The following PLXDC2 variants were observed in gnomAD, a reference collection of about 807,000 sequenced individuals.
The protein encoded by PLXDC2 is plexin domain containing 2, also known as plexin domain-containing protein 2.
PLXDC2 carries 40 observed loss-of-function variants against 68.9 expected under a neutral mutation model. The observed-to-expected ratio is 0.58, with a 90% confidence interval of 0.45 to 0.76. The LOEUF is 0.76. PLXDC2 is among the 30% of genes least tolerant of loss of function. The pLI is 0.00. For missense variants in PLXDC2, 644 were observed against 661.9 expected (o/e 0.97, Z 0.30); for synonymous variants, 243 against 234.2 (o/e 1.04, Z -0.34).
chr10:20,011,436 C>T (rs533824322), intron 2 of PLXDC2, among the ~76,000 whole-genome samples: 1 of 152,250 alleles, frequency 6.6e-6, no homozygotes, highest in South Asian at 2.1e-4. Context: ...GGCTTAACTG[C>T]CAGCAGTTTA....
chr10:20,025,646 G>A (rs1473032468), intron 2 of PLXDC2, among the ~76,000 whole-genome samples: 3 of 152,012 alleles, frequency 2.0e-5, no homozygotes, highest in East Asian at 3.9e-4. Flanking sequence ...ACGATTAGTG[G>A]TGATAATCTT....
intron 9 of PLXDC2, among the ~76,000 whole-genome samples, chr10:20,193,616 T>A (rs1272467380): frequency 6.6e-6 from 1 of 152,090 alleles, no homozygotes; most frequent in African/African-American, 2.4e-5. Flanking sequence ...GCTTTTGCTA[T>A]AAATATTTTT....
intron 1 of PLXDC2, among the ~76,000 whole-genome samples, chr10:19,863,759 TGAGA>T (rs1445373322): frequency 2.6e-5 from 4 of 152,306 alleles, no homozygotes; most frequent in Middle Eastern, 3.4e-3. Context: ...GTATGTTGGA[TGAGA>T]GAGAGTAAAA....
intron 4 of PLXDC2, among the ~76,000 whole-genome samples, chr10:20,131,383 T>C (rs1379399478): frequency 6.6e-6 from 1 of 152,042 alleles, no homozygotes; most frequent in Non-Finnish European, 1.5e-5. Context: ...TCAATTGTAA[T>C]CTCTTCTTTC....
Position 20,028,077 on chromosome 10 carries a change from TA to T in PLXDC2, c.325-18789del, listed in dbSNP as rs200240518. On this transcript the variant is annotated intron_variant, in intron 2 of 13. Coordinates refer to ENST00000377252, the MANE Select transcript of PLXDC2 (RefSeq NM_032812.9). ...TAAATTGAAATACTTTATAGATTTC[TA>T]AAGTCTTGGCTTGGGCATGGTCATG... 1.7e-3 allele frequency among the ~76,000 whole-genome samples: 254 copies of T among 152,372 alleles called. 3 individuals are homozygous for T. Among genetic ancestry groups the T allele is most frequent in the East Asian group, 0.015 (78 of 5,188 alleles).
intron 1 of PLXDC2, among the ~76,000 whole-genome samples, chr10:19,984,046 T>C (rs17760230): frequency 6.6e-6 from 1 of 152,180 alleles, no homozygotes; most frequent in Non-Finnish European, 1.5e-5. Context: ...TGATGACATA[T>C]TCCCATGGGT....
At chr10:19,898,738 G>T (rs887872115) in intron 1 of PLXDC2, among the ~76,000 whole-genome samples, 1 of 152,092 alleles carries the variant, frequency 6.6e-6, no homozygotes, top group African/African-American at 2.4e-5. Context: ...AGCGTACTTA[G>T]TTACTCCTTG....
At chr10:20,230,639 A>T (rs12573741) in intron 12 of PLXDC2, among the ~76,000 whole-genome samples, 6 of 136,296 alleles carry the variant, frequency 4.4e-5, no homozygotes, top group African/African-American at 1.7e-4. Flanking sequence ...ACCAGTTCAC[A>T]CCATGGTGAG....
At chr10:20,132,573 GA>G (rs533103062) in intron 4 of PLXDC2, among the ~76,000 whole-genome samples, 153 of 152,088 alleles carry the variant, frequency 1.0e-3, no homozygotes, top group African/African-American at 3.5e-3. Context: ...TCCTTTTGAT[GA>G]ATTGATATCT....
At chr10:20,187,001 A>T (rs992516665) in intron 9 of PLXDC2, among the ~76,000 whole-genome samples, 1 of 151,758 alleles carries the variant, frequency 6.6e-6, no homozygotes, top group Non-Finnish European at 1.5e-5. Context: ...GTCAGGAGGT[A>T]CTCAGCTGCC....
chr10:20,287,753 T>A lies in PLXDC2; in HGVS notation c.*7934T>A, dbSNP rs1836175658. The stretch of plus-strand genomic sequence containing the variant: ...GGAGAAGAGGGGGAAGTCTTTTCAT[T>A]GATTGGTCAAAACAAATCTCTCATT... On this transcript the variant is annotated 3_prime_UTR_variant, in exon 14 of 14. Coordinates refer to ENST00000377252, the MANE Select transcript of PLXDC2 (RefSeq NM_032812.9). The A allele has an allele frequency of 1.3e-5, 2 of 152,066 alleles. No homozygotes were observed. The allele number at this position is 152,066 out of a possible 1,614,324, so 9.4% of individuals were successfully genotyped here. A position where few individuals can be genotyped will look rare whatever the true frequency, so the allele number is the denominator to read the frequency against.
At chr10:20,020,947 T>G (rs1835297948) in intron 2 of PLXDC2, among the ~76,000 whole-genome samples, 1 of 152,206 alleles carries the variant, frequency 6.6e-6, no homozygotes, top group African/African-American at 2.4e-5. Flanking sequence ...AGACAAAAAG[T>G]AATCTGGAGC....
chr10:19,860,321 C>T (rs543352312), intron 1 of PLXDC2, among the ~76,000 whole-genome samples: 13 of 152,306 alleles, frequency 8.5e-5, no homozygotes, highest in African/African-American at 3.1e-4. Flanking sequence ...GTCTGCTCCC[C>T]AGTCCAGTGT....
intron 4 of PLXDC2, among the ~76,000 whole-genome samples, chr10:20,075,635 G>A (rs1836428070): frequency 6.6e-6 from 1 of 152,174 alleles, no homozygotes; most frequent in Non-Finnish European, 1.5e-5. Flanking sequence ...AGGAGACCCA[G>A]AGAGAAAGCA....
intron 1 of PLXDC2, among the ~76,000 whole-genome samples, chr10:19,919,855 A>T (rs1036398304): frequency 6.6e-6 from 1 of 152,232 alleles, no homozygotes; most frequent in African/African-American, 2.4e-5. Context: ...AGAAAATGCT[A>T]GGCGAACACT....
chr10:20,211,781 G>A (rs12259741), intron 10 of PLXDC2, 52 bp downstream of exon 10: 555,363 of 1,530,046 alleles, frequency 0.36, 104,343 homozygotes, highest in African/African-American at 0.6. Flanking sequence ...TCATATACAT[G>A]TGTTTTAACT....
At chr10:20,188,949 A>G (rs1393837054) in intron 9 of PLXDC2, among the ~76,000 whole-genome samples, 5 of 151,720 alleles carry the variant, frequency 3.3e-5, no homozygotes, top group Non-Finnish European at 2.9e-5. Context: ...TTAGCTTACA[A>G]TGCTATAAGA....
At chr10:20,113,663 C>T (rs966706464) in intron 4 of PLXDC2, among the ~76,000 whole-genome samples, 1 of 152,092 alleles carries the variant, frequency 6.6e-6, no homozygotes, top group Non-Finnish European at 1.5e-5. Context: ...GCTGCATAAA[C>T]AATAGATAAT....
chr10:20,058,586 C>G (rs922882268), intron 3 of PLXDC2, among the ~76,000 whole-genome samples: 2 of 152,094 alleles, frequency 1.3e-5, no homozygotes, highest in African/African-American at 2.4e-5. Flanking sequence ...AAACACTTAC[C>G]TTTAAAACAG....
Sources: gnomAD v4.1 joint callset for allele counts (sites outside exome capture counted in the v4.1 genomes callset) on GRCh38, gnomAD v4.1.1 for gene constraint, MANE v1.5 for transcripts, NCBI Gene and HGNC (gene_info 2026-07-23, HGNC 2026-07-21) for gene names.